ELAPOR2: variants seen among roughly 807,000 people sequenced by gnomAD.
The protein encoded by ELAPOR2 is endosome/lysosome-associated apoptosis and autophagy regulator family member 2.
ELAPOR2 carries 89 observed loss-of-function variants against 120.7 expected under a neutral mutation model. The ratio of observed to expected loss-of-function variants is 0.74; its 90% CI spans 0.62 to 0.88. The LOEUF is 0.88. Ranked by LOEUF, ELAPOR2 falls within the 40% of genes least tolerant of loss-of-function variation. The pLI is 0.00. For synonymous variants in ELAPOR2, 444 were observed against 444.9 expected, an observed-to-expected ratio of 1.00 and a Z score of 0.03; for missense variants, 1,134 against 1,251.6, an observed-to-expected ratio of 0.91 and a Z score of 1.42.
At chr7:87,032,223 T>C (rs1190330950) in intron 1 of ELAPOR2, among the ~76,000 whole-genome samples, 1 of 152,196 alleles carries the variant, frequency 6.6e-6, no homozygotes, top group East Asian at 1.9e-4. Flanking sequence ...ATTGAGGCAA[T>C]GATTTAACTT....
intron 12 of ELAPOR2, among the ~76,000 whole-genome samples, chr7:86,916,766 C>T (rs1160271795): frequency 6.6e-6 from 1 of 151,848 alleles, no homozygotes; most frequent in Non-Finnish European, 1.5e-5. Flanking sequence ...TAAAAAGCAC[C>T]AAGGGAAGGG....
chr7:86,903,740 G>C (rs1334771047), intron 18 of ELAPOR2, among the ~76,000 whole-genome samples: 1 of 152,120 alleles, frequency 6.6e-6, no homozygotes, highest in Non-Finnish European at 1.5e-5. Context: ...GATGAATTTG[G>C]ATTTTGAAGG....
chr7:86,901,246 G>A (rs1788711668), intron 18 of ELAPOR2, among the ~76,000 whole-genome samples: 1 of 152,142 alleles, frequency 6.6e-6, no homozygotes, highest in Non-Finnish European at 1.5e-5. Context: ...AGACTTCCCA[G>A]TTTCCTTATT....
chr7:86,897,900 T>C (rs926887900), intron 18 of ELAPOR2, among the ~76,000 whole-genome samples: 26 of 152,168 alleles, frequency 1.7e-4, no homozygotes, highest in African/African-American at 6.0e-4. Context: ...CTGATAGGAA[T>C]GTAAAATTGT....
intron 1 of ELAPOR2, among the ~76,000 whole-genome samples, chr7:86,986,418 G>A (rs1407039398): frequency 1.1e-5 from 1 of 93,614 alleles, no homozygotes; most frequent in African/African-American, 5.6e-5. Context: ...GACAGAGCGA[G>A]ACTCCGTCTC....
intron 18 of ELAPOR2, among the ~76,000 whole-genome samples, chr7:86,899,313 G>C (rs1207887395): frequency 6.6e-6 from 1 of 152,076 alleles, no homozygotes; most frequent in Non-Finnish European, 1.5e-5. Context: ...TTTTGTTCAT[G>C]AATTCATTAA....
chr7:86,903,143 A>G (rs1412543671), intron 18 of ELAPOR2, among the ~76,000 whole-genome samples: 2 of 152,208 alleles, frequency 1.3e-5, no homozygotes, highest in Admixed American at 6.5e-5. Context: ...ATGAAATAAA[A>G]TAATTATCAT....
chr7:86,907,797 A>T (rs879944503), intron 17 of ELAPOR2, 26 bp from the exon 18 acceptor site: 4 of 1,364,056 alleles, frequency 2.9e-6, no homozygotes, highest in African/African-American at 3.0e-5. Flanking sequence ...TAACATTTTT[A>T]AAAAACAGAT....
chr7:87,020,363 G>A (rs1793999135), intron 1 of ELAPOR2, among the ~76,000 whole-genome samples: 1 of 152,050 alleles, frequency 6.6e-6, no homozygotes, highest in South Asian at 2.1e-4. Context: ...GCCAAAAGGT[G>A]AAAAGGACCC....
intron 8 of ELAPOR2, among the ~76,000 whole-genome samples, chr7:86,935,300 A>G (rs1322544017): frequency 1.3e-5 from 2 of 151,994 alleles, no homozygotes; most frequent in African/African-American, 2.4e-5. Flanking sequence ...CTAGTCACAC[A>G]TCCTTTTAGT....
At chr7:86,990,008 G>A (rs1488541397) in intron 1 of ELAPOR2, among the ~76,000 whole-genome samples, 1 of 151,788 alleles carries the variant, frequency 6.6e-6, no homozygotes, top group Non-Finnish European at 1.5e-5. Flanking sequence ...GCGCCTTTAA[G>A]AGGTGATTGG....
Position 86,918,450 on chromosome 7 carries a change from A to G in ELAPOR2, c.1585T>C (p.Phe529Leu). 2 of 1,609,498 alleles carry G rather than the reference A, an allele frequency of 1.2e-6. No homozygotes were observed. Among genetic ancestry groups the G allele is most frequent in the East Asian group, 2.2e-5 (1 of 44,802 alleles). The stretch of plus-strand genomic sequence containing the variant: ...GCCGCCCGTCCACTTACCACCATGA[A>G]GTACAAAACACAGTCAGCTGAACAG... The part of the protein sequence containing the change: ...TLCSADCVLY[F>L]MVDINRKSTN... Residue 529 changes from phenylalanine (F) to leucine (L), a missense_variant, in exon 12 of 22, where the codon TTC becomes CTC. This residue lies in a region of ELAPOR2 where 831 missense variants were observed against 867.6 expected (regional missense o/e 0.96). Coordinates refer to ENST00000450689, the MANE Select transcript of ELAPOR2 (RefSeq NM_001142749.3).
chr7:86,938,016 C>G lies in ELAPOR2; in HGVS notation c.1089+110G>C, dbSNP rs866874484. 3.4e-5 allele frequency: 26 copies of G among 772,164 alleles called. No individual in the cohort carries two copies. In the Middle Eastern group the frequency reaches 2.2e-3, roughly 65 times the overall value. 47.8% of individuals were successfully genotyped at this position (772,164 alleles called of 1,614,324 possible). A position where few individuals can be genotyped will look rare whatever the true frequency, so the allele number is the denominator to read the frequency against. Reference sequence around the variant, plus strand: ...CCTAAACTCTAAAATTTCCTCTTTACACTTACATACGTGTGTCATAAATAT... The same window carrying G: ...CCTAAACTCTAAAATTTCCTCTTTAGACTTACATACGTGTGTCATAAATAT... On this transcript the variant is annotated intron_variant, in intron 8 of 21. Coordinates refer to ENST00000450689, the MANE Select transcript of ELAPOR2 (RefSeq NM_001142749.3).
Position 87,005,378 on chromosome 7 carries a change from G to C in ELAPOR2, c.190-40354C>G, listed in dbSNP as rs545737307. Among the ~76,000 whole-genome samples the C allele has an allele frequency of 3.3e-5, 5 of 152,170 alleles. No homozygotes were observed. In the South Asian group the frequency reaches 1.0e-3, roughly 32 times the overall value. On this transcript the variant is annotated intron_variant, in intron 1 of 21. Transcript: ENST00000450689. ...CAGGAAGCCTTCTATATTGGCAAAA[G>C]GACAATGTTGAGAGAAGAAAATGGC...
chr7:86,914,980 A>G (rs978176907), intron 12 of ELAPOR2, 120 bp from the exon 13 acceptor site: 1 of 812,058 alleles, frequency 1.2e-6, no homozygotes, highest in Non-Finnish European at 1.8e-6. Context: ...ATGACTATTT[A>G]CAAACAGAGC....
At chr7:87,017,476 C>T (rs540568613) in intron 1 of ELAPOR2, among the ~76,000 whole-genome samples, 6 of 152,028 alleles carry the variant, frequency 3.9e-5, no homozygotes, top group East Asian at 1.9e-4. Flanking sequence ...TTATTAAATG[C>T]GAATGAATGC....
At chr7:86,980,840 T>C (rs1369275715) in intron 1 of ELAPOR2, among the ~76,000 whole-genome samples, 1 of 152,118 alleles carries the variant, frequency 6.6e-6, no homozygotes, top group East Asian at 1.9e-4. Flanking sequence ...CCTCAACAAA[T>C]AAATGATTAA....
At chr7:86,886,055 G>A (rs1455854407) in intron 21 of ELAPOR2, among the ~76,000 whole-genome samples, 2 of 152,012 alleles carry the variant, frequency 1.3e-5, no homozygotes, top group East Asian at 3.9e-4. Context: ...GGTCCTTTTG[G>A]TGTCAAGTCA....
chr7:86,913,221 A>G lies in ELAPOR2; in HGVS notation c.1732-17T>C. 1.2e-6 allele frequency: 2 copies of G among 1,610,320 alleles called. No homozygotes were observed. Among genetic ancestry groups the G allele is most frequent in the Non-Finnish European group, 1.7e-6 (2 of 1,177,306 alleles). Reference sequence around the variant, plus strand: ...CCGTCTATTCTAAAAAAAAGAGCATAAAGTAATGACTTCTGCCTTGGGGCT... The same window carrying G: ...CCGTCTATTCTAAAAAAAAGAGCATGAAGTAATGACTTCTGCCTTGGGGCT... On this transcript the variant is annotated splice_polypyrimidine_tract_variant and intron_variant, in intron 13 of 21. Coordinates refer to ENST00000450689, the MANE Select transcript of ELAPOR2 (RefSeq NM_001142749.3).
Sources: allele counts gnomAD v4.1 joint callset (sites outside exome capture counted in the v4.1 genomes callset), GRCh38; gene constraint gnomAD v4.1.1; regional missense constraint gnomAD v4.1.1; transcripts MANE v1.5; gene names NCBI Gene and HGNC (gene_info 2026-07-23, HGNC 2026-07-21).